Variants in CAPN3 observed in about 807,000 individuals in gnomAD.
CAPN3 encodes calpain 3.
In CAPN3, 88 loss-of-function variants were observed where a neutral mutation model predicts 114.0. That is an observed-to-expected ratio of 0.77 (90% CI 0.65 to 0.92). The LOEUF (loss-of-function observed/expected upper bound fraction) is 0.92. Among genes scored for constraint, CAPN3 ranks in the 40% least tolerant of loss-of-function variants. The pLI, the probability that CAPN3 is intolerant of heterozygous loss-of-function variation, is 0.00. For synonymous variants in CAPN3, 386 were observed against 382.9 expected, an observed-to-expected ratio of 1.01 and a Z score of -0.09; for missense variants, 1,028 against 1,069.0, an observed-to-expected ratio of 0.96 and a Z score of 0.53.
At chr15:42,389,813 C>G in intron 5 of CAPN3, 140 bp from the exon 6 acceptor site, 1 of 917,210 alleles carries the variant, frequency 1.1e-6, no homozygotes, top group Non-Finnish European at 1.7e-6. Context: ...CTCCGTCTTT[C>G]CTCCATTCGT....
rs766334893 is a variant in CAPN3 at position 42,392,720 on chromosome 15, G to T, written c.1027G>T (p.Glu343Ter). The T allele has an allele frequency of 1.2e-6, 2 of 1,613,516 alleles. No individual in the cohort carries two copies. Among genetic ancestry groups the T allele is most frequent in the Admixed American group, 3.3e-5 (2 of 59,998 alleles). ...CGCCTACTCTGTCACGGGGCTGGAT[G>T]AGGTAAGCCTGGTGGGGCTTGGTGG... ...GHAYSVTGLD[E>*]VPFKGEKVKL... is the part of the protein sequence containing the mutation. The change falls in exon 7 of 24, where the codon GAG becomes TAG. Residue 343 changes from glutamate to a stop codon, truncating the protein, a stop_gained and splice_region_variant. Transcript: ENST00000397163. LOFTEE classifies it high-confidence loss of function.
chr15:42,402,501 G>A, intron 12 of CAPN3: 1 of 1,431,574 alleles, frequency 7.0e-7, no homozygotes, highest in Non-Finnish European at 9.1e-7. Flanking sequence ...AGTCCTCTAG[G>A]CCTCCTTGGG....
intron 1 of CAPN3, among the ~76,000 whole-genome samples, chr15:42,380,329 A>G (rs1233052913): frequency 1.2e-5 from 1 of 80,730 alleles, no homozygotes; most frequent in East Asian, 3.6e-4. Flanking sequence ...AAAGTTTTAT[A>G]TTTTATCCTA....
intron 1 of CAPN3, among the ~76,000 whole-genome samples, chr15:42,379,266 G>A (rs1356638876): frequency 2.0e-5 from 3 of 151,832 alleles, no homozygotes; most frequent in South Asian, 2.1e-4. Flanking sequence ...AGCCAAGATC[G>A]CACCACTGCA....
At chr15:42,392,958 T>C (rs1340698194) in intron 7 of CAPN3, among the ~76,000 whole-genome samples, 1 of 152,264 alleles carries the variant, frequency 6.6e-6, no homozygotes, top group East Asian at 1.9e-4. Context: ...ATGGCAATTT[T>C]TCCAACATTT....
chr15:42,386,710 C>T (rs2053417629), intron 3 of CAPN3, among the ~76,000 whole-genome samples: 1 of 152,212 alleles, frequency 6.6e-6, no homozygotes, highest in Non-Finnish European at 1.5e-5. Context: ...AAGGCTATCA[C>T]TCCTCTCTTC....
chr15:42,384,746 AGCACTCT>A (rs1372784478), intron 2 of CAPN3, among the ~76,000 whole-genome samples, 194 bp downstream of exon 2: 2 of 152,148 alleles, frequency 1.3e-5, no homozygotes, highest in African/African-American at 4.8e-5. Context: ...ATGCCTCTTT[AGCACTCT>A]GCCATGCATC....
chr15:42,402,673 G>A (rs2053905791), intron 12 of CAPN3, 121 bp from the exon 13 acceptor site: 1 of 1,561,828 alleles, frequency 6.4e-7, no homozygotes, highest in East Asian at 2.4e-5. Context: ...CGGAAGTAGG[G>A]AGGTTGAAAC....
intron 1 of CAPN3, among the ~76,000 whole-genome samples, chr15:42,370,073 A>G (rs1224359002): frequency 2.0e-5 from 3 of 151,802 alleles, no homozygotes; most frequent in African/African-American, 4.8e-5. Flanking sequence ...GGGTTTCACC[A>G]TGTTGGCCAG....
chr15:42,368,477 G>C (rs748182474), intron 1 of CAPN3, among the ~76,000 whole-genome samples: 3 of 152,086 alleles, frequency 2.0e-5, no homozygotes, highest in Non-Finnish European at 4.4e-5. Flanking sequence ...CAATGTTATT[G>C]AATCATCAAT....
rs766821209 is a variant in CAPN3 at position 42,388,997 on chromosome 15, G to C, written c.702G>C (p.Gly234=). 3 of 1,614,076 alleles carry C rather than the reference G, an allele frequency of 1.9e-6. No individual in the cohort carries two copies. The East Asian group carries it at 6.7e-5, about 36-fold the overall frequency. ...AGGCCATGGAGGACTTCACAGGAGGGGTGGCAGAGTTTTTTGAGATCAGGG... is the reference window on the plus strand; with the variant it reads ...AGGCCATGGAGGACTTCACAGGAGGCGTGGCAGAGTTTTTTGAGATCAGGG... ...TTEAMEDFTG[G]VAEFFEIRDA... The change falls in exon 5 of 24, where the codon GGG becomes GGC. Residue 234 remains glycine (G), a synonymous_variant. Coordinates refer to ENST00000397163, the MANE Select transcript of CAPN3 (RefSeq NM_000070.3).
intron 1 of CAPN3, among the ~76,000 whole-genome samples, chr15:42,375,712 TAC>T (rs1322925853): frequency 2.0e-5 from 3 of 152,234 alleles, no homozygotes; most frequent in East Asian, 3.8e-4. Context: ...GTGAAGATGG[TAC>T]AGAGTTCTCA....
At position 42,401,888 on chromosome 15, in the gene CAPN3, C is replaced by G. The variant is rs1389077367; in HGVS notation, c.1524+78C>G. On this transcript the variant is annotated intron_variant, in intron 11 of 23. Transcript: ENST00000397163. Reference sequence around the variant, plus strand: ...CGCTTCCAGGGGCTTCTAGAGGGGCCCTCTGGCTTCCTCAATACCCAGTGA... The same window carrying G: ...CGCTTCCAGGGGCTTCTAGAGGGGCGCTCTGGCTTCCTCAATACCCAGTGA... 3 of 1,482,754 alleles carry G rather than the reference C, an allele frequency of 2.0e-6. No individual in the cohort carries two copies. The African/African-American group carries it at 4.2e-5, about 21-fold the overall frequency. The allele number at this position is 1,482,754 out of a possible 1,614,324, so 91.8% of individuals were successfully genotyped here.
chr15:42,387,684 T>C (rs981177011), intron 3 of CAPN3, 69 bp from the exon 4 acceptor site: 1 of 1,582,840 alleles, frequency 6.3e-7, no homozygotes, highest in African/African-American at 1.3e-5. Flanking sequence ...CCCTGAGGAA[T>C]GTGGAGGAAG....
At chr15:42,372,287 G>T (rs562985289) in intron 1 of CAPN3, among the ~76,000 whole-genome samples, 3 of 152,196 alleles carry the variant, frequency 2.0e-5, no homozygotes, top group African/African-American at 7.2e-5. Flanking sequence ...AGCCTCCCAA[G>T]TAGCTGGGAT....
intron 9 of CAPN3, among the ~76,000 whole-genome samples, chr15:42,398,098 TATATTTTTGGGGTACATATGTACCC>T (rs200717923): frequency 0.07 from 10,539 of 151,478 alleles, 1,155 homozygotes; most frequent in African/African-American, 0.23. Context: ...CATAGCTATA[TATATTTTTGGGGTACATATGTACCC>T]ATATTTTGGG....
intron 2 of CAPN3, chr15:42,385,531 C>CACAG (rs954375181): frequency 2.5e-5 from 9 of 361,090 alleles, no homozygotes; most frequent in African/African-American, 1.1e-4. Flanking sequence ...TATACACACA[C>CACAG]AGAGAGAGAG....
rs794727615 is a variant in CAPN3, at chr15:42,387,787, T to C, written c.533T>C (p.Ile178Thr). The C allele has an allele frequency of 2.5e-6, 4 of 1,614,088 alleles. No homozygotes were observed. The highest frequency in any genetic ancestry group is 2.2e-5 in the South Asian group (2 of 91,088). Residue 178 changes from isoleucine (I) to threonine (T), a missense_variant, in exon 4 of 24, where the codon ATA becomes ACA. Coordinates refer to ENST00000397163, the MANE Select transcript of CAPN3 (RefSeq NM_000070.3). ...TATGGAGAGTGGGTGGACGTGGTTATAGATGACTGCCTGCCAACGTACAAC... is the reference window on the plus strand; with the variant it reads ...TATGGAGAGTGGGTGGACGTGGTTACAGATGACTGCCTGCCAACGTACAAC... ...WRYGEWVDVVIDDCLPTYNNQ... is the reference protein window; with the variant it reads ...WRYGEWVDVVTDDCLPTYNNQ...
At chr15:42,408,452 C>T (rs2054093562) in intron 16 of CAPN3, 128 bp downstream of exon 16, 3 of 686,964 alleles carry the variant, frequency 4.4e-6, no homozygotes, top group South Asian at 3.0e-5. Flanking sequence ...GAATTTGTCC[C>T]ACTGACCTTT....
Sources: gnomAD v4.1 joint callset for allele counts (sites outside exome capture counted in the v4.1 genomes callset) on GRCh38, gnomAD v4.1.1 for gene constraint, MANE v1.5 for transcripts, NCBI Gene and HGNC (gene_info 2026-07-23, HGNC 2026-07-21) for gene names.